IQCH: variants seen among roughly 807,000 people sequenced by gnomAD.
IQCH encodes IQ motif containing H.
Under a neutral mutation model 117.0 loss-of-function variants are expected in IQCH, and 98 were observed. That is an observed-to-expected ratio of 0.84 (90% CI 0.71 to 0.99). IQCH has a LOEUF of 0.99. Among genes scored for constraint, IQCH ranks in the 50% least tolerant of loss-of-function variants. IQCH has a pLI of 0.00. For synonymous variants in IQCH, 412 were observed against 448.2 expected (o/e 0.92, Z 1.02); for missense variants, 1,102 against 1,243.8 (o/e 0.89, Z 1.72).
chr15:67,377,815 T>G (rs1970790284), intron 10 of IQCH, among the ~76,000 whole-genome samples: 1 of 152,146 alleles, frequency 6.6e-6, no homozygotes, highest in Admixed American at 6.5e-5. Context: ...ATCTTTTATT[T>G]CACTGCCAAT....
chr15:67,400,071 G>C (rs765447011), intron 13 of IQCH, 43 bp from the exon 14 acceptor site: 1 of 1,529,414 alleles, frequency 6.5e-7, no homozygotes. Context: ...GGAATCCCAG[G>C]AAATGAACTG....
At chr15:67,378,470 A>G (rs1039857756) in intron 10 of IQCH, among the ~76,000 whole-genome samples, 1 of 148,348 alleles carries the variant, frequency 6.7e-6, no homozygotes, top group Non-Finnish European at 1.5e-5. Flanking sequence ...GATCCTTGGG[A>G]TAGGTGTACT....
At chr15:67,293,986 A>G (rs1966838991) in intron 4 of IQCH, among the ~76,000 whole-genome samples, 1 of 152,198 alleles carries the variant, frequency 6.6e-6, no homozygotes, top group South Asian at 2.1e-4. Context: ...ATGACTTGCA[A>G]TTTGAAAGGT....
rs1970566977 is a variant in IQCH at position 67,372,336 on chromosome 15, C to G, written c.979C>G (p.Leu327Val). Residue 327 changes from leucine to valine, a missense_variant, in exon 9 of 21, where the codon CTC becomes GTC. This residue lies in a region of IQCH where 452 missense variants were observed against 449.6 expected (regional missense o/e 1.01). Coordinates refer to ENST00000335894, the MANE Select transcript of IQCH (RefSeq NM_001031715.3). ...VKIKGNNLVA[L>V]LPEFELTNKL... ...AATAAAAGGGAATAATTTGGTGGCC[C>G]TCCTTCCAGAGTTTGAGCTGACGAA... 1 of 1,613,902 alleles carries G rather than the reference C, an allele frequency of 6.2e-7. No homozygotes were observed. Among genetic ancestry groups the G allele is most frequent in the Admixed American group, 1.7e-5 (1 of 59,998 alleles).
In IQCH at chr15:67,421,712, C is replaced by A. The variant is rs911850527; in HGVS notation, c.2505+135C>A. ...TCTGATGAACTTGCTCTAAATTCAA[C>A]ACCTATATGGCCCATGCGAATCCAA... On this transcript the variant is annotated intron_variant, in intron 16 of 20. Coordinates refer to ENST00000335894, the MANE Select transcript of IQCH (RefSeq NM_001031715.3). 8 of 886,838 alleles carry A rather than the reference C, an allele frequency of 9.0e-6. No individual in the cohort carries two copies. The African/African-American group carries it at 1.2e-4, about 13-fold the overall frequency. 54.9% of individuals were successfully genotyped at this position (886,838 alleles called of 1,614,324 possible).
At chr15:67,287,016 A>C (rs1966588877) in intron 4 of IQCH, among the ~76,000 whole-genome samples, 1 of 152,214 alleles carries the variant, frequency 6.6e-6, no homozygotes, top group African/African-American at 2.4e-5. Context: ...CTTTTTCAGC[A>C]CCAATTGAAA....
intron 4 of IQCH, among the ~76,000 whole-genome samples, chr15:67,328,892 G>A (rs921905969): frequency 6.6e-6 from 1 of 152,184 alleles, no homozygotes; most frequent in African/African-American, 2.4e-5. Flanking sequence ...GGTAGTGACT[G>A]GGAGGGAGCA....
At chr15:67,265,039 G>T (rs1222550112) in intron 3 of IQCH, among the ~76,000 whole-genome samples, 1 of 152,160 alleles carries the variant, frequency 6.6e-6, no homozygotes, top group African/African-American at 2.4e-5. Context: ...AGAATGGAAG[G>T]GGTGGGGAAA....
intron 1 of IQCH, chr15:67,255,150 C>A: frequency 1.7e-6 from 1 of 605,654 alleles, no homozygotes; most frequent in Middle Eastern, 4.2e-4. Flanking sequence ...GTAGGTTACG[C>A]CCCAGAAGCA....
chr15:67,364,093 G>A lies in IQCH; in HGVS notation c.753+4208G>A, dbSNP rs1440940802. On this transcript the variant is annotated intron_variant, in intron 8 of 20. Coordinates refer to ENST00000335894, the MANE Select transcript of IQCH (RefSeq NM_001031715.3). This position sits in a 1 kb window ranked among gnomAD's most constrained non-coding sequence, Gnocchi z 4.1. ...TACCCAATAAGGGGATTGCTGGGTC[G>A]AGTGGTAATTCTGTTTTAAGTTCTT... Among the ~76,000 whole-genome samples, 3 of 152,114 alleles carry A rather than the reference G, an allele frequency of 2.0e-5. No homozygotes were observed. The highest frequency in any genetic ancestry group is 4.4e-5 in the Non-Finnish European group (3 of 67,990).
At chr15:67,484,701 A>G (rs1224927247) in intron 18 of IQCH, among the ~76,000 whole-genome samples, 1 of 151,834 alleles carries the variant, frequency 6.6e-6, no homozygotes, top group Non-Finnish European at 1.5e-5. Flanking sequence ...AGATCATGCC[A>G]TTGCACTCCA....
chr15:67,483,511 C>T (rs1158918984), intron 18 of IQCH, among the ~76,000 whole-genome samples: 1 of 152,120 alleles, frequency 6.6e-6, no homozygotes, highest in African/African-American at 2.4e-5. Flanking sequence ...AGCAAGACTC[C>T]ATCTCTAAAA....
chr15:67,336,966 A>G lies in IQCH; in HGVS notation c.388-9A>G. 1 of 1,611,672 alleles carries G rather than the reference A, an allele frequency of 6.2e-7. No homozygotes were observed. Among genetic ancestry groups the G allele is most frequent in the South Asian group, 1.1e-5 (1 of 90,642 alleles). On this transcript the variant is annotated splice_polypyrimidine_tract_variant and intron_variant, in intron 4 of 20. Transcript: ENST00000335894. The stretch of plus-strand genomic sequence containing the variant: ...AAATGTTTGCTGAAACAAATTTTTT[A>G]TTATCTAGATAAAGGTTTCGAAGTT...
At chr15:67,415,276 G>A (rs1596332486) in intron 14 of IQCH, among the ~76,000 whole-genome samples, 1 of 152,160 alleles carries the variant, frequency 6.6e-6, no homozygotes. Flanking sequence ...CCATTGCTTT[G>A]ACAGCAGTTT....
intron 1 of IQCH, among the ~76,000 whole-genome samples, chr15:67,256,832 A>G (rs1161039635): frequency 6.6e-6 from 1 of 152,220 alleles, no homozygotes; most frequent in Non-Finnish European, 1.5e-5. Flanking sequence ...AGGGCTGTGT[A>G]GAGGAAGAGA....
intron 4 of IQCH, among the ~76,000 whole-genome samples, chr15:67,288,887 G>A (rs1966660273): frequency 6.6e-6 from 1 of 152,112 alleles, no homozygotes; most frequent in Admixed American, 6.6e-5. Flanking sequence ...AGAAAGGGTG[G>A]GCTTATGCAA....
At chr15:67,375,493 G>A (rs1200546095) in intron 10 of IQCH, among the ~76,000 whole-genome samples, 2 of 151,982 alleles carry the variant, frequency 1.3e-5, no homozygotes. Context: ...AATAGAAAAC[G>A]TTATTTTAAA....
At chr15:67,485,549 C>T (rs1354068349) in intron 18 of IQCH, among the ~76,000 whole-genome samples, 1 of 152,146 alleles carries the variant, frequency 6.6e-6, no homozygotes, top group Non-Finnish European at 1.5e-5. Flanking sequence ...AACACATATC[C>T]AACCTCATTC....
chr15:67,384,832 A>T lies in IQCH; in HGVS notation c.1373-104A>T, dbSNP rs1020258887. On this transcript the variant is annotated intron_variant, in intron 10 of 20. Coordinates refer to ENST00000335894, the MANE Select transcript of IQCH (RefSeq NM_001031715.3). This position sits in a 1 kb window ranked among gnomAD's most constrained non-coding sequence, Gnocchi z 4.3. Reference sequence around the variant, plus strand: ...GTTTCTGTAAGATGCTTCAGAGAAAATTTTTTCCTGGAAATATGGACTGTG... The same window carrying T: ...GTTTCTGTAAGATGCTTCAGAGAAATTTTTTTCCTGGAAATATGGACTGTG... The T allele has an allele frequency of 5.9e-5, 44 of 746,384 alleles. 1 individual carries two copies. The South Asian group carries it at 6.1e-4, about 10-fold the overall frequency. 46.2% of individuals were successfully genotyped at this position (746,384 alleles called of 1,614,324 possible).
Sources: allele counts gnomAD v4.1 joint callset (sites outside exome capture counted in the v4.1 genomes callset), GRCh38; gene constraint gnomAD v4.1.1; regional missense constraint gnomAD v4.1.1; non-coding constraint Gnocchi (gnomAD v3.1); transcripts MANE v1.5; gene names NCBI Gene and HGNC (gene_info 2026-07-23, HGNC 2026-07-21).